DEPTOR: variants seen among roughly 807,000 people sequenced by gnomAD.
The protein encoded by DEPTOR is DEP domain-containing mTOR-interacting protein.
A neutral mutation model predicts 41.6 loss-of-function variants in DEPTOR; 41 were observed. The ratio of observed to expected loss-of-function variants is 0.98; its 90% CI spans 0.77 to 1.28. DEPTOR has a LOEUF of 1.28. Among genes scored for constraint, DEPTOR ranks in the 50% most tolerant of loss-of-function variants. DEPTOR has a pLI of 0.00. For missense variants in DEPTOR, 514 were observed against 527.9 expected (o/e 0.97, Z 0.26); for synonymous variants, 195 against 192.3 (o/e 1.01, Z -0.12).
At chr8:119,965,002 G>A (rs1174354227) in intron 3 of DEPTOR, among the ~76,000 whole-genome samples, 1 of 152,068 alleles carries the variant, frequency 6.6e-6, no homozygotes, top group Admixed American at 6.6e-5. Flanking sequence ...GAACCCAGGA[G>A]GCGGAGGTTG....
intron 8 of DEPTOR, among the ~76,000 whole-genome samples, chr8:120,011,081 G>C (rs1477485045): frequency 6.6e-6 from 1 of 152,194 alleles, no homozygotes; most frequent in Non-Finnish European, 1.5e-5. Flanking sequence ...GTAGCAATAA[G>C]CATGATTGGG....
intron 8 of DEPTOR, among the ~76,000 whole-genome samples, chr8:120,024,054 G>A (rs1185225972): frequency 1.3e-5 from 2 of 152,078 alleles, no homozygotes; most frequent in Non-Finnish European, 2.9e-5. Flanking sequence ...TGGCCAACAT[G>A]GCAAAACCCT....
intron 4 of DEPTOR, among the ~76,000 whole-genome samples, chr8:119,992,567 C>T (rs931693832): frequency 2.0e-5 from 3 of 151,954 alleles, no homozygotes; most frequent in Non-Finnish European, 2.9e-5. Context: ...CTTCATGATG[C>T]CTGTTGTGTT....
chr8:120,036,299 A>T lies in DEPTOR; in HGVS notation c.1102-13277A>T, dbSNP rs73315928. ...TTGTTGTTGTCTTATTGTGAAAGTT[A>T]GTCATTCTTATATATGGTTGGCTTT... On this transcript the variant is annotated intron_variant, in intron 8 of 8. Transcript: ENST00000286234. Among the ~76,000 whole-genome samples, 516 of 152,356 alleles carry T rather than the reference A, an allele frequency of 3.4e-3. 3 individuals carry two copies. The highest frequency in any genetic ancestry group is 0.012 in the African/African-American group (491 of 41,592).
intron 8 of DEPTOR, among the ~76,000 whole-genome samples, chr8:120,015,315 A>C (rs1812592147): frequency 6.6e-6 from 1 of 152,218 alleles, no homozygotes; most frequent in Admixed American, 6.5e-5. Flanking sequence ...TTTTTCAGAG[A>C]AACCTTCCTT....
At chr8:119,995,720 T>C (rs1812250128) in intron 4 of DEPTOR, among the ~76,000 whole-genome samples, 1 of 152,292 alleles carries the variant, frequency 6.6e-6, no homozygotes, top group African/African-American at 2.4e-5. Context: ...GGCTTTGGTA[T>C]TGGTGAGCAT....
At chr8:120,006,538 A>AG (rs1207929194) in intron 6 of DEPTOR, among the ~76,000 whole-genome samples, 1 of 151,824 alleles carries the variant, frequency 6.6e-6, no homozygotes, top group Non-Finnish European at 1.5e-5. Flanking sequence ...AAAAAAAAAA[A>AG]AATTGACCTG....
At chr8:119,908,821 G>A (rs1827702077) in intron 1 of DEPTOR, among the ~76,000 whole-genome samples, 1 of 152,188 alleles carries the variant, frequency 6.6e-6, no homozygotes, top group Non-Finnish European at 1.5e-5. Flanking sequence ...AAAATTACAA[G>A]TCTGATAAAT....
At chr8:120,008,676 G>A (rs1812485983) in intron 7 of DEPTOR, among the ~76,000 whole-genome samples, 3 of 152,268 alleles carry the variant, frequency 2.0e-5, no homozygotes, top group South Asian at 4.1e-4. Context: ...ATTGTATCTG[G>A]AGAGACATTT....
At chr8:119,997,453 C>T (rs1332422982) in intron 4 of DEPTOR, among the ~76,000 whole-genome samples, 1 of 152,138 alleles carries the variant, frequency 6.6e-6, no homozygotes, top group Non-Finnish European at 1.5e-5. Flanking sequence ...CCAGGCTTGT[C>T]TTGAACTCCT....
intron 6 of DEPTOR, among the ~76,000 whole-genome samples, chr8:120,004,418 G>T (rs1812402712): frequency 6.6e-6 from 1 of 152,180 alleles, no homozygotes; most frequent in South Asian, 2.1e-4. Flanking sequence ...AAGGAGAACT[G>T]AATTCTTAGA....
At chr8:119,968,140 A>G (rs1336491994) in intron 4 of DEPTOR, among the ~76,000 whole-genome samples, 2 of 152,298 alleles carry the variant, frequency 1.3e-5, no homozygotes, top group East Asian at 3.9e-4. Flanking sequence ...TATAGAAGCA[A>G]TTAGAGAACA....
chr8:120,003,153 A>T (rs373943947), intron 6 of DEPTOR, 42 bp downstream of exon 6: 1 of 1,596,208 alleles, frequency 6.3e-7, no homozygotes, highest in Non-Finnish European at 8.5e-7. Flanking sequence ...GACTGTGGGG[A>T]CTTGGGCAGG....
intron 1 of DEPTOR, among the ~76,000 whole-genome samples, chr8:119,900,544 A>G (rs368603931): frequency 4.6e-5 from 7 of 151,428 alleles, no homozygotes; most frequent in African/African-American, 1.7e-4. Context: ...GTGCCACCAC[A>G]CCTGGCTCAT....
In DEPTOR at chr8:120,049,813, G is replaced by T. The variant is rs1179248821; in HGVS notation, c.*109G>T. ...TGCAAATGGATGGTTTTGGACATAC[G>T]AGTCTTCTCCGCACATACATGTCTA... On this transcript the variant is annotated 3_prime_UTR_variant, in exon 9 of 9. Transcript: ENST00000286234. 3 of 1,421,188 alleles carry T rather than the reference G, an allele frequency of 2.1e-6. No homozygotes were observed. Among genetic ancestry groups the T allele is most frequent in the Non-Finnish European group, 2.9e-6 (3 of 1,044,824 alleles). 88.0% of individuals were successfully genotyped at this position (1,421,188 alleles called of 1,614,324 possible).
At chr8:119,883,494 A>G (rs962503784) in intron 1 of DEPTOR, among the ~76,000 whole-genome samples, 4 of 145,140 alleles carry the variant, frequency 2.8e-5, no homozygotes, top group Admixed American at 2.7e-4. Context: ...AAAAAAAAAA[A>G]AAGAAGGATA....
rs753913477 is a variant in DEPTOR, at chr8:119,929,801, A to G, written c.302-14A>G. 3.8e-6 allele frequency: 6 copies of G among 1,598,168 alleles called. No individual in the cohort carries two copies. The South Asian group carries it at 5.6e-5, about 15-fold the overall frequency. On this transcript the variant is annotated splice_polypyrimidine_tract_variant and intron_variant, in intron 2 of 8. Coordinates refer to ENST00000286234, the MANE Select transcript of DEPTOR (RefSeq NM_022783.4). ...TTTTTTCTCATTTGCTTCTCTGTGCATATTGTGTTTCAGTGTGTGATGAGC... is the reference window on the plus strand; with the variant it reads ...TTTTTTCTCATTTGCTTCTCTGTGCGTATTGTGTTTCAGTGTGTGATGAGC...
intron 1 of DEPTOR, among the ~76,000 whole-genome samples, chr8:119,892,749 A>G (rs1013075882): frequency 6.6e-6 from 1 of 152,096 alleles, no homozygotes. Context: ...CTTTAAGCCA[A>G]GAAGAGCAGA....
At chr8:120,035,972 A>G (rs1475279068) in intron 8 of DEPTOR, among the ~76,000 whole-genome samples, 1 of 152,258 alleles carries the variant, frequency 6.6e-6, no homozygotes, top group Non-Finnish European at 1.5e-5. Flanking sequence ...TGTCGGTCAC[A>G]AATTCTCCCT....
Sources: allele counts gnomAD v4.1 joint callset (sites outside exome capture counted in the v4.1 genomes callset), GRCh38; gene constraint gnomAD v4.1.1; transcripts MANE v1.5; gene names NCBI Gene and HGNC (gene_info 2026-07-23, HGNC 2026-07-21).